DNAH5: variants seen among roughly 807,000 people sequenced by gnomAD.
DNAH5 encodes the protein dynein axonemal heavy chain 5.
Under a neutral mutation model 518.2 loss-of-function variants are expected in DNAH5, and 372 were observed. The observed-to-expected ratio is 0.72, with a 90% confidence interval of 0.66 to 0.78. DNAH5 has a LOEUF of 0.78. Among genes scored for constraint, DNAH5 ranks in the 30% least tolerant of loss-of-function variants. DNAH5 has a pLI of 0.00. For missense variants in DNAH5, 5,523 were observed against 5,687.0 expected (o/e 0.97, Z 0.93); for synonymous variants, 2,039 against 2,025.9 (o/e 1.01, Z -0.17).
chr5:13,694,562 T>A (rs1480844803), intron 78 of DNAH5, among the ~76,000 whole-genome samples: 1 of 152,214 alleles, frequency 6.6e-6, no homozygotes, highest in African/African-American at 2.4e-5. Context: ...TGGCAAGCCA[T>A]ACCCTTTAGG....
intron 47 of DNAH5, 98 bp downstream of exon 47, chr5:13,807,493 A>C: frequency 8.2e-7 from 1 of 1,213,300 alleles, no homozygotes; most frequent in Non-Finnish European, 1.2e-6. Flanking sequence ...GGCTATGAAA[A>C]TTCAGATGAG....
At chr5:13,900,462 G>A (rs770800947) in intron 14 of DNAH5, 50 bp from the exon 15 acceptor site, 2 of 1,434,998 alleles carry the variant, frequency 1.4e-6, no homozygotes, top group Admixed American at 1.7e-5. Flanking sequence ...AATTCATGCA[G>A]AGTATCTAGC....
At position 13,966,344 on chromosome 5, in the gene DNAH5, G is replaced by A. The variant is rs139118522; in HGVS notation, c.13-35100C>T. On this transcript the variant is annotated intron_variant, in intron 1 of 78. Transcript: ENST00000681290. ...ACATCTGTGTGCAAGTATCTTTCTC[G>A]TATAATGACTTCTTTTCCTCTGGGT... Among the ~76,000 whole-genome samples, 589 of 152,220 alleles carry A rather than the reference G, an allele frequency of 3.9e-3. 1 individual carries two copies. Among genetic ancestry groups the A allele is most frequent in the Non-Finnish European group, 6.2e-3 (423 of 68,026 alleles).
In DNAH5 at chr5:13,735,822, C is replaced by T; in HGVS notation, c.11566G>A (p.Ala3856Thr). The change falls in exon 67 of 79, where the codon GCC becomes ACC. Residue 3856 changes from alanine (A) to threonine (T), a missense_variant. Ala to Thr is a moderately conservative substitution (Grantham distance 58, BLOSUM62 0). Coordinates refer to ENST00000265104, the MANE Select transcript of DNAH5 (RefSeq NM_001369.3). ...QFLGLFDLSL[A>T]RSVKSPITSK... is the part of the protein sequence containing the mutation. ...GCTTCCCGCGTACAGACGTACCTGGCTAAGGAAAGGTCAAATAAGCCCAGA... is the reference window on the plus strand; with the variant it reads ...GCTTCCCGCGTACAGACGTACCTGGTTAAGGAAAGGTCAAATAAGCCCAGA... The T allele has an allele frequency of 6.2e-7, 1 of 1,613,786 alleles. No homozygotes were observed. The highest frequency in any genetic ancestry group is 8.5e-7 in the Non-Finnish European group (1 of 1,179,694).
intron 1 of DNAH5, among the ~76,000 whole-genome samples, chr5:13,933,486 G>T (rs115184913): frequency 2.6e-4 from 39 of 152,276 alleles, no homozygotes; most frequent in Non-Finnish European, 5.1e-4. Flanking sequence ...AAAAAGAAGT[G>T]CAAATAAAGA....
In DNAH5 at chr5:13,829,536, G is replaced by A; in HGVS notation, c.6418C>T (p.Leu2140=). 1 of 1,614,164 alleles carries A rather than the reference G, an allele frequency of 6.2e-7. No individual in the cohort carries two copies. Among genetic ancestry groups the A allele is most frequent in the Non-Finnish European group, 8.5e-7 (1 of 1,180,030 alleles). ...LARKFFTLYK[L]CEEQLSKQVH... ...TGCTTAGAAAGCTGCTCCTCACACAGTTTGTAGAGCGTGAAAAACTTCCTG... is the reference window on the plus strand; with the variant it reads ...TGCTTAGAAAGCTGCTCCTCACACAATTTGTAGAGCGTGAAAAACTTCCTG... The change falls in exon 38 of 79, where the codon CTG becomes TTG. Residue 2140 remains leucine, a synonymous_variant. Transcript: ENST00000265104.
intron 31 of DNAH5, among the ~76,000 whole-genome samples, chr5:13,848,659 A>C (rs1766392462): frequency 6.6e-6 from 1 of 152,194 alleles, no homozygotes; most frequent in African/African-American, 2.4e-5. Flanking sequence ...TTAGATTCTC[A>C]CAAGGAGTAC....
chr5:13,961,569 G>C (rs531614808), intron 1 of DNAH5, among the ~76,000 whole-genome samples: 5 of 152,208 alleles, frequency 3.3e-5, no homozygotes, highest in Non-Finnish European at 7.4e-5. Flanking sequence ...ACTTGAACCC[G>C]GGAGGCAGAG....
intron 22 of DNAH5, among the ~76,000 whole-genome samples, chr5:13,873,658 C>CTATTTATT (rs138376613): frequency 1.1e-4 from 16 of 151,152 alleles, no homozygotes; most frequent in African/African-American, 2.9e-4. Context: ...TATTTAATTA[C>CTATTTATT]TATTTATTTA....
At chr5:13,953,776 C>T (rs1039731442) in intron 1 of DNAH5, among the ~76,000 whole-genome samples, 1 of 152,156 alleles carries the variant, frequency 6.6e-6, no homozygotes, top group African/African-American at 2.4e-5. Context: ...GGCGCGATCT[C>T]GGCTTGATGC....
chr5:13,842,471 G>GAA (rs1491168221), intron 32 of DNAH5, among the ~76,000 whole-genome samples: 2 of 108,826 alleles, frequency 1.8e-5, no homozygotes, highest in East Asian at 7.0e-4. Context: ...AAGAAAGAAA[G>GAA]AAAGAAAGAA....
At chr5:13,862,801 T>A in intron 28 of DNAH5, 54 bp from the exon 29 acceptor site, 1 of 1,438,042 alleles carries the variant, frequency 7.0e-7, no homozygotes, top group Non-Finnish European at 9.7e-7. Flanking sequence ...CGTCCTTCCT[T>A]AATAGTCTAC....
At chr5:13,848,115 C>T (rs1036538094) in intron 31 of DNAH5, among the ~76,000 whole-genome samples, 15 of 152,156 alleles carry the variant, frequency 9.9e-5, no homozygotes, top group Admixed American at 2.0e-4. Context: ...AATGGAATGG[C>T]GCAGCATCAA....
At chr5:13,863,647 A>G (rs961903297) in intron 28 of DNAH5, among the ~76,000 whole-genome samples, 9 of 151,738 alleles carry the variant, frequency 5.9e-5, no homozygotes, top group African/African-American at 2.2e-4. Flanking sequence ...ACAAGCCATC[A>G]TTTCTTGCCT....
chr5:13,889,415 T>C (rs1772883206), intron 17 of DNAH5, among the ~76,000 whole-genome samples: 1 of 152,124 alleles, frequency 6.6e-6, no homozygotes, highest in South Asian at 2.1e-4. Context: ...TGACTTAATA[T>C]AACCTGCCAT....
chr5:13,724,458 C>T (rs535052173), intron 70 of DNAH5, among the ~76,000 whole-genome samples: 1 of 152,212 alleles, frequency 6.6e-6, no homozygotes. Flanking sequence ...AGATGAGTCT[C>T]AGAGAGACTT....
chr5:13,979,788 G>GT (rs781074738), intron 1 of DNAH5, among the ~76,000 whole-genome samples: 1 of 150,800 alleles, frequency 6.6e-6, no homozygotes, highest in Non-Finnish European at 1.5e-5. Flanking sequence ...AGTTTGTTTG[G>GT]TTTTTTGTTT....
intron 1 of DNAH5, among the ~76,000 whole-genome samples, chr5:14,007,429 C>CA (rs1205708574): frequency 6.6e-6 from 1 of 152,182 alleles, no homozygotes; most frequent in East Asian, 1.9e-4. Flanking sequence ...CACATCCTCA[C>CA]AGCCAAGCCC....
intron 47 of DNAH5, among the ~76,000 whole-genome samples, chr5:13,795,236 C>G (rs1757645887): frequency 1.3e-5 from 2 of 151,936 alleles, no homozygotes; most frequent in African/African-American, 2.4e-5. Flanking sequence ...CACAAAAAAC[C>G]CTTCAGAAAT....
Sources: allele counts gnomAD v4.1 joint callset (sites outside exome capture counted in the v4.1 genomes callset), GRCh38; gene constraint gnomAD v4.1.1; transcripts MANE v1.5; gene names NCBI Gene and HGNC (gene_info 2026-07-23, HGNC 2026-07-21).